Variants in TBC1D22A observed in about 807,000 individuals in gnomAD.
TBC1D22A encodes TBC1 domain family member 22A, also known as putative GTPase activator.
In TBC1D22A, 38 loss-of-function variants were observed where a neutral mutation model predicts 60.2. That is an observed-to-expected ratio of 0.63 (90% CI 0.49 to 0.83). The LOEUF is 0.83. Among genes scored for constraint, TBC1D22A ranks in the 40% least tolerant of loss-of-function variants. The pLI is 0.00. For synonymous variants in TBC1D22A, 302 were observed against 281.7 expected, an observed-to-expected ratio of 1.07 and a Z score of -0.72; for missense variants, 628 against 701.0, an observed-to-expected ratio of 0.90 and a Z score of 1.18.
In TBC1D22A at chr22:46,768,864, C is replaced by G. The variant is rs112666442; in HGVS notation, c.62+6016C>G. Among the ~76,000 whole-genome samples the G allele has an allele frequency of 2.6e-5, 4 of 151,844 alleles. No homozygotes were observed. In the East Asian group the frequency reaches 7.8e-4, roughly 29 times the overall value. ...ATCTCAGCACTTTGGGGGGCCCAGG[C>G]GGGTGGATCACCTGAGGTCAGCAGT... On this transcript the variant is annotated intron_variant, in intron 1 of 12. Coordinates refer to ENST00000337137, the MANE Select transcript of TBC1D22A (RefSeq NM_014346.5).
intron 11 of TBC1D22A, among the ~76,000 whole-genome samples, chr22:47,066,262 C>T (rs1020285203): frequency 6.6e-6 from 1 of 152,200 alleles, no homozygotes; most frequent in Non-Finnish European, 1.5e-5. Context: ...GGCAAAGCCA[C>T]CTGGTGCTCA....
rs3083471 is a variant in TBC1D22A at position 46,768,484 on chromosome 22, C to CAAAA, written c.62+5658_62+5661dup. Among the ~76,000 whole-genome samples the CAAAA allele has an allele frequency of 1.9e-4, 15 of 80,328 alleles. 1 individual carries two copies. Among genetic ancestry groups the CAAAA allele is most frequent in the African/African-American group, 5.6e-4 (11 of 19,614 alleles). The allele number at this position is 80,328 out of a possible 152,430, so 52.7% of individuals were successfully genotyped here. On this transcript the variant is annotated intron_variant, in intron 1 of 12. Coordinates refer to ENST00000337137, the MANE Select transcript of TBC1D22A (RefSeq NM_014346.5). ...TGGGCAACAGAGCGAGACTCTGTCT[C>CAAAA]AAAAAAAAAAAAAAAAAAAAAAAAA... is the stretch of plus-strand genomic sequence containing the variant.
chr22:47,061,886 G>A (rs996510218), intron 11 of TBC1D22A, among the ~76,000 whole-genome samples: 2 of 152,010 alleles, frequency 1.3e-5, no homozygotes, highest in South Asian at 2.1e-4. Context: ...TCCAGAGTTC[G>A]AGACCAGCCT....
intron 9 of TBC1D22A, among the ~76,000 whole-genome samples, chr22:46,984,445 A>G (rs960684946): frequency 3.0e-5 from 4 of 131,396 alleles, no homozygotes; most frequent in Non-Finnish European, 6.3e-5. Flanking sequence ...TCAGGCTTTT[A>G]GGGGATTATT....
At chr22:46,844,616 C>T (rs967068560) in intron 4 of TBC1D22A, among the ~76,000 whole-genome samples, 1 of 152,178 alleles carries the variant, frequency 6.6e-6, no homozygotes, top group African/African-American at 2.4e-5. Flanking sequence ...CCAGAGTGAA[C>T]CAGGCAGAGG....
At chr22:46,819,405 C>G (rs1230028607) in intron 4 of TBC1D22A, among the ~76,000 whole-genome samples, 1 of 152,174 alleles carries the variant, frequency 6.6e-6, no homozygotes, top group Non-Finnish European at 1.5e-5. Context: ...GAGATATGTT[C>G]CATCAATACC....
At position 47,154,661 on chromosome 22, in the gene TBC1D22A, C is replaced by T. The variant is rs78458675; in HGVS notation, c.1426-18837C>T. ...GGTTGCCTTTAGCAGGCAATGTGCCCGGAGCTGTCCGAGTTCAGACGGCAG... is the reference window on the plus strand; with the variant it reads ...GGTTGCCTTTAGCAGGCAATGTGCCTGGAGCTGTCCGAGTTCAGACGGCAG... On this transcript the variant is annotated intron_variant, in intron 12 of 12. Coordinates refer to ENST00000337137, the MANE Select transcript of TBC1D22A (RefSeq NM_014346.5). 6.9e-3 allele frequency among the ~76,000 whole-genome samples: 1,047 copies of T among 152,284 alleles called. 13 individuals carry two copies. The highest frequency in any genetic ancestry group is 0.014 in the Middle Eastern group (4 of 294).
chr22:46,851,024 G>A (rs2087248698), intron 4 of TBC1D22A, among the ~76,000 whole-genome samples: 1 of 152,224 alleles, frequency 6.6e-6, no homozygotes, highest in Non-Finnish European at 1.5e-5. Context: ...AGGAGTGACA[G>A]TGAACAGGCA....
chr22:46,823,175 G>A (rs1398409294), intron 4 of TBC1D22A, among the ~76,000 whole-genome samples: 2 of 152,124 alleles, frequency 1.3e-5, no homozygotes, highest in African/African-American at 2.4e-5. Context: ...ATAAGGTTGA[G>A]GGTCCATGAC....
At position 46,793,827 on chromosome 22, in the gene TBC1D22A, C is replaced by G; in HGVS notation, c.446C>G (p.Thr149Arg). The G allele has an allele frequency of 1.3e-6, 2 of 1,582,818 alleles. No homozygotes were observed. The highest frequency in any genetic ancestry group is 1.7e-6 in the Non-Finnish European group (2 of 1,165,732). The change falls in exon 3 of 13, where the codon ACG becomes AGG. Residue 149 changes from threonine to arginine, a missense_variant. Physicochemically the swap from Thr to Arg is moderately conservative, Grantham distance 71. Coordinates refer to ENST00000337137, the MANE Select transcript of TBC1D22A (RefSeq NM_014346.5). ...RLVKSVSESHTSCPAESASDA... is the reference protein window; with the variant it reads ...RLVKSVSESHRSCPAESASDA... ...GTGAAGTCGGTCAGTGAGAGCCACACGTCCTGTCCTGCAGGTACGATGGGA... is the reference window on the plus strand; with the variant it reads ...GTGAAGTCGGTCAGTGAGAGCCACAGGTCCTGTCCTGCAGGTACGATGGGA...
intron 11 of TBC1D22A, among the ~76,000 whole-genome samples, chr22:47,079,084 C>CATA (rs1556117651): frequency 1.6e-5 from 2 of 124,962 alleles, no homozygotes; most frequent in Non-Finnish European, 3.3e-5. Context: ...GTAGAGCAGA[C>CATA]TTTTTTTTTT....
At chr22:46,784,932 G>C (rs1277309531) in intron 1 of TBC1D22A, among the ~76,000 whole-genome samples, 1 of 152,178 alleles carries the variant, frequency 6.6e-6, no homozygotes, top group Non-Finnish European at 1.5e-5. Context: ...CAGCTAGTAA[G>C]TGTTGGAGCT....
chr22:47,129,027 C>G (rs1417609046), intron 12 of TBC1D22A, among the ~76,000 whole-genome samples: 1 of 152,194 alleles, frequency 6.6e-6, no homozygotes, highest in Non-Finnish European at 1.5e-5. Flanking sequence ...ATACGTAGGC[C>G]TCTCGTTTTT....
At chr22:46,835,354 G>A (rs1377221436) in intron 4 of TBC1D22A, among the ~76,000 whole-genome samples, 1 of 152,098 alleles carries the variant, frequency 6.6e-6, no homozygotes, top group African/African-American at 2.4e-5. Flanking sequence ...ACAAAATCAG[G>A]TAAATAATAT....
At chr22:46,911,496 C>T (rs1275990085) in intron 7 of TBC1D22A, among the ~76,000 whole-genome samples, 2 of 152,252 alleles carry the variant, frequency 1.3e-5, no homozygotes, top group East Asian at 1.9e-4. Context: ...CACGGTGGCC[C>T]GCGGGGTGTG....
intron 1 of TBC1D22A, chr22:46,789,129 C>CTTT (rs11450774): frequency 8.8e-5 from 12 of 136,154 alleles, no homozygotes; most frequent in South Asian, 3.7e-4. Context: ...TCCTTCTTTT[C>CTTT]TTTTTTTTTT....
chr22:47,139,637 G>A (rs2067005500), intron 12 of TBC1D22A, among the ~76,000 whole-genome samples: 1 of 152,204 alleles, frequency 6.6e-6, no homozygotes, highest in South Asian at 2.1e-4. Context: ...TCCTGGGTGA[G>A]TCTAGGACAC....
intron 11 of TBC1D22A, among the ~76,000 whole-genome samples, chr22:47,061,202 G>A (rs984179074): frequency 9.9e-5 from 15 of 151,612 alleles, no homozygotes; most frequent in Admixed American, 5.9e-4. Context: ...TGTCTTCCTC[G>A]GTGCCCTCAC....
chr22:46,996,812 G>A (rs1398170446), intron 9 of TBC1D22A, among the ~76,000 whole-genome samples: 2 of 152,232 alleles, frequency 1.3e-5, no homozygotes, highest in African/African-American at 2.4e-5. Flanking sequence ...CCCTTAGGTG[G>A]TGACAGCAGG....
Sources: allele counts gnomAD v4.1 joint callset (sites outside exome capture counted in the v4.1 genomes callset), GRCh38; gene constraint gnomAD v4.1.1; transcripts MANE v1.5; gene names NCBI Gene and HGNC (gene_info 2026-07-23, HGNC 2026-07-21).